Variants in RORA observed in about 807,000 individuals in gnomAD.
RORA encodes RAR related orphan receptor A, also known as nuclear receptor ROR-alpha.
Under a neutral mutation model 69.5 loss-of-function variants are expected in RORA, and 7 were observed. The observed-to-expected ratio is 0.10, with a 90% CI of 0.06 to 0.19. RORA has a LOEUF of 0.19. RORA is among the 10% of genes least tolerant of loss of function. The pLI is 1.00. For synonymous variants in RORA, 261 were observed against 240.8 expected (o/e 1.08, Z -0.78); for missense variants, 457 against 663.0 (o/e 0.69, Z 3.41).
chr15:60,750,767 C>A (rs1033864465), intron 1 of RORA, among the ~76,000 whole-genome samples: 2 of 152,174 alleles, frequency 1.3e-5, no homozygotes, highest in Non-Finnish European at 2.9e-5. Context: ...TTGTATTTTA[C>A]CTTCAGGGAA....
intron 1 of RORA, among the ~76,000 whole-genome samples, chr15:61,022,395 C>G (rs1011525481): frequency 6.6e-6 from 1 of 152,088 alleles, no homozygotes; most frequent in Non-Finnish European, 1.5e-5. Flanking sequence ...TGCTAAGGTA[C>G]CGCAGGAAGA....
At chr15:60,719,925 G>A (rs777632483) in intron 1 of RORA, among the ~76,000 whole-genome samples, 4 of 152,148 alleles carry the variant, frequency 2.6e-5, no homozygotes, top group Non-Finnish European at 5.9e-5. Flanking sequence ...TATACGGGGC[G>A]TAGCTACATT....
At chr15:60,692,257 A>G (rs536473566) in intron 1 of RORA, among the ~76,000 whole-genome samples, 1 of 152,324 alleles carries the variant, frequency 6.6e-6, no homozygotes, top group South Asian at 2.1e-4. Flanking sequence ...GCTCTGTTTT[A>G]TATTTGCATA....
At chr15:60,699,771 T>C (rs998078393) in intron 1 of RORA, among the ~76,000 whole-genome samples, 1 of 152,148 alleles carries the variant, frequency 6.6e-6, no homozygotes, top group Non-Finnish European at 1.5e-5. Flanking sequence ...TTGTATTTAG[T>C]TTTTGCCTGC....
chr15:61,165,551 A>G (rs1303902328), intron 1 of RORA, among the ~76,000 whole-genome samples: 1 of 152,148 alleles, frequency 6.6e-6, no homozygotes, highest in East Asian at 1.9e-4. Context: ...TCCATTCTAA[A>G]TGCCAATATG....
In RORA at chr15:60,511,042, T is replaced by C. The variant is rs750849858; in HGVS notation, c.820+184A>G. Among the ~76,000 whole-genome samples the C allele has an allele frequency of 6.6e-6, 1 of 152,196 alleles. No homozygotes were observed. The highest frequency in any genetic ancestry group is 2.1e-4 in the South Asian group (1 of 4,826). On this transcript the variant is annotated intron_variant, in intron 5 of 10. Coordinates refer to ENST00000335670, the MANE Select transcript of RORA (RefSeq NM_134261.3). This position sits in a 1 kb window ranked among gnomAD's most constrained non-coding sequence, Gnocchi z 6.4. ...TAATGCTGAGAGGTCAATGCATGTA[T>C]TGGATAAACCATGGGAAACAGCAGA...
chr15:61,100,212 G>A (rs1350815742), intron 1 of RORA, among the ~76,000 whole-genome samples: 5 of 147,438 alleles, frequency 3.4e-5, no homozygotes, highest in Admixed American at 1.4e-4. Flanking sequence ...CTCCGCCTCC[G>A]GGTTCCAGCG....
chr15:60,662,978 A>AAT lies in RORA; in HGVS notation c.196+15678_196+15679insAT, dbSNP rs1440316600. ...CTGCCTTGCCCAAGGTTATGCCCTT[A>AAT]GGTGCAGCTGGCACCCAATGGCTGC... On this transcript the variant is annotated intron_variant, in intron 2 of 10. Transcript: ENST00000335670. 2.0e-5 allele frequency among the ~76,000 whole-genome samples: 3 copies of AAT among 152,178 alleles called. No individual in the cohort carries two copies. In the East Asian group the frequency reaches 5.8e-4, roughly 29 times the overall value.
intron 1 of RORA, among the ~76,000 whole-genome samples, chr15:60,987,499 G>A (rs574971548): frequency 6.6e-6 from 1 of 152,190 alleles, no homozygotes; most frequent in Admixed American, 6.5e-5. Flanking sequence ...GAGGATTAGG[G>A]GTGCTCAAAA....
chr15:60,805,574 G>C (rs2072648678), intron 1 of RORA, among the ~76,000 whole-genome samples: 1 of 152,178 alleles, frequency 6.6e-6, no homozygotes, highest in Admixed American at 6.5e-5. Flanking sequence ...ACATAGAGTA[G>C]TTGGGATTCT....
chr15:60,575,950 C>T (rs546567021), intron 2 of RORA, among the ~76,000 whole-genome samples: 8 of 152,314 alleles, frequency 5.3e-5, no homozygotes, highest in Non-Finnish European at 1.2e-4. Context: ...ACCCTTTAAA[C>T]GGCCAGGGTT....
chr15:60,604,585 T>C (rs1204398711), intron 2 of RORA, among the ~76,000 whole-genome samples: 5 of 152,214 alleles, frequency 3.3e-5, no homozygotes, highest in Non-Finnish European at 7.3e-5. Flanking sequence ...ATACCTGTCT[T>C]ACTCGCCATT....
At chr15:60,726,187 C>G (rs543675593) in intron 1 of RORA, among the ~76,000 whole-genome samples, 133 of 152,242 alleles carry the variant, frequency 8.7e-4, no homozygotes, top group Non-Finnish European at 1.7e-3. Context: ...ACTCTTTCCC[C>G]TATATTGCTT....
At chr15:60,604,411 T>C (rs1024583383) in intron 2 of RORA, among the ~76,000 whole-genome samples, 1 of 152,166 alleles carries the variant, frequency 6.6e-6, no homozygotes, top group Non-Finnish European at 1.5e-5. Flanking sequence ...ACTGACCTTG[T>C]TTATCTGCTT....
In RORA at chr15:60,534,445, G is replaced by A. The variant is rs1428949233; in HGVS notation, c.197-2594C>T. Among the ~76,000 whole-genome samples the A allele has an allele frequency of 6.6e-6, 1 of 152,084 alleles. No individual in the cohort carries two copies. Among genetic ancestry groups the A allele is most frequent in the Non-Finnish European group, 1.5e-5 (1 of 68,020 alleles). Reference sequence around the variant, plus strand: ...TCACGAGATCTGTGGAGGCCAAGACGCTTAGGATAAATGGACTCACTGTAG... The same window carrying A: ...TCACGAGATCTGTGGAGGCCAAGACACTTAGGATAAATGGACTCACTGTAG... On this transcript the variant is annotated intron_variant, in intron 2 of 10. Transcript: ENST00000335670. The surrounding 1 kb of genome is among the most constrained non-coding windows in gnomAD (Gnocchi z 5.0).
At chr15:60,879,462 G>C (rs1475726651) in intron 1 of RORA, among the ~76,000 whole-genome samples, 1 of 152,150 alleles carries the variant, frequency 6.6e-6, no homozygotes, top group Non-Finnish European at 1.5e-5. Flanking sequence ...TTAGCTGCTC[G>C]TGTTAGTGTT....
chr15:60,662,539 C>T (rs1003990237), intron 2 of RORA, among the ~76,000 whole-genome samples: 2 of 152,090 alleles, frequency 1.3e-5, no homozygotes, highest in Middle Eastern at 3.2e-3. Context: ...TCTGGAATGT[C>T]CATGTGTGGA....
chr15:60,967,085 A>T (rs1477098733), intron 1 of RORA, among the ~76,000 whole-genome samples: 1 of 152,228 alleles, frequency 6.6e-6, no homozygotes, highest in Non-Finnish European at 1.5e-5. Context: ...ATGGAGATAG[A>T]TTCTAATTAG....
At chr15:61,105,000 C>CCA (rs1555411276) in intron 1 of RORA, among the ~76,000 whole-genome samples, 1 of 143,388 alleles carries the variant, frequency 7.0e-6, no homozygotes, top group Admixed American at 7.0e-5. Flanking sequence ...GAGGCGCCCC[C>CCA]CCCACCGCCC....
Sources: gnomAD v4.1 joint callset for allele counts (sites outside exome capture counted in the v4.1 genomes callset) on GRCh38, gnomAD v4.1.1 for gene constraint, Gnocchi (gnomAD v3.1) non-coding constraint, MANE v1.5 for transcripts, NCBI Gene and HGNC (gene_info 2026-07-23, HGNC 2026-07-21) for gene names.